DIPK1A: variants seen among roughly 807,000 people sequenced by gnomAD.
DIPK1A encodes the protein family with sequence similarity 69 member A.
DIPK1A carries 27 observed loss-of-function variants against 40.8 expected under a neutral mutation model. The ratio of observed to expected loss-of-function variants is 0.66; its 90% CI spans 0.49 to 0.91. The LOEUF is 0.91. DIPK1A is among the 40% of genes least tolerant of loss of function. DIPK1A has a pLI of 0.00. For synonymous variants in DIPK1A, 166 were observed against 171.3 expected (o/e 0.97, Z 0.24); for missense variants, 412 against 505.7 (o/e 0.81, Z 1.78).
At position 92,850,948 on chromosome 1, in the gene DIPK1A, T is replaced by C; in HGVS notation, c.197A>G (p.Lys66Arg). 1 of 1,557,448 alleles carries C rather than the reference T, an allele frequency of 6.4e-7. No individual in the cohort carries two copies. Among genetic ancestry groups the C allele is most frequent in the Non-Finnish European group, 8.7e-7 (1 of 1,149,780 alleles). The change falls in exon 3 of 5, where the codon AAG (lysine) becomes AGG (arginine). Residue 66 changes from lysine to arginine, a missense_variant. Coordinates refer to ENST00000370310, the MANE Select transcript of DIPK1A (RefSeq NM_001006605.5). ...GKDCKKIICD[K>R]YKTGVIDGPA... ...CCCATCAATAACTCCAGTCTTGTAC[T>C]TGTCACACTAAAAACCAGGAAATAA...
intron 1 of DIPK1A, among the ~76,000 whole-genome samples, chr1:92,940,430 A>G (rs76179861): frequency 0.022 from 3,387 of 152,316 alleles, 118 homozygotes; most frequent in African/African-American, 0.077. Context: ...TACTAGTGCC[A>G]TATTTTATGT....
At chr1:92,847,126 C>T in intron 4 of DIPK1A, 57 bp downstream of exon 4, 1 of 1,145,568 alleles carries the variant, frequency 8.7e-7, no homozygotes. Flanking sequence ...TGAGGTCCTG[C>T]CAATTCCTCT....
chr1:92,859,444 C>T (rs1688097510), intron 2 of DIPK1A, among the ~76,000 whole-genome samples: 1 of 152,178 alleles, frequency 6.6e-6, no homozygotes, highest in Non-Finnish European at 1.5e-5. Context: ...CCACTCTTTC[C>T]TTCCTTCGGT....
chr1:92,952,109 T>C (rs1040902989), intron 1 of DIPK1A, among the ~76,000 whole-genome samples: 51 of 150,370 alleles, frequency 3.4e-4, no homozygotes, highest in Non-Finnish European at 1.5e-4. Context: ...ACATATCTGA[T>C]AGTCACTACT....
At chr1:92,894,472 C>T (rs1342095334) in intron 1 of DIPK1A, among the ~76,000 whole-genome samples, 1 of 152,026 alleles carries the variant, frequency 6.6e-6, no homozygotes, top group East Asian at 1.9e-4. Flanking sequence ...AAAGATACAA[C>T]ATACCAGAAT....
intron 1 of DIPK1A, among the ~76,000 whole-genome samples, chr1:92,938,123 T>C (rs1194603384): frequency 6.6e-6 from 1 of 151,886 alleles, no homozygotes; most frequent in Non-Finnish European, 1.5e-5. Context: ...CATACAAAAA[T>C]TAGCCAGGCA....
chr1:92,908,223 T>G (rs34389767), intron 1 of DIPK1A, among the ~76,000 whole-genome samples: 47,840 of 151,954 alleles, frequency 0.31, 8,047 homozygotes, highest in Non-Finnish European at 0.37. Context: ...AGGTAGAGGT[T>G]TGGGAATCAC....
Position 92,872,760 on chromosome 1 carries a change from C to G in DIPK1A, c.189+3536G>C, listed in dbSNP as rs1220948873. On this transcript the variant is annotated intron_variant, in intron 2 of 4. Coordinates refer to ENST00000370310, the MANE Select transcript of DIPK1A (RefSeq NM_001006605.5). ...CTACTTATGTCCAAGGGTATATAGCCCTCTAGGATTTTTAACTGAGAGCTT... is the reference window on the plus strand; with the variant it reads ...CTACTTATGTCCAAGGGTATATAGCGCTCTAGGATTTTTAACTGAGAGCTT... 3.9e-5 allele frequency among the ~76,000 whole-genome samples: 6 copies of G among 152,182 alleles called. No homozygotes were observed. In the East Asian group the frequency reaches 9.7e-4, roughly 25 times the overall value.
rs181235703 is a variant in DIPK1A, at chr1:92,892,884, C to G, written c.55-16454G>C. Among the ~76,000 whole-genome samples the G allele has an allele frequency of 8.0e-3, 1,213 of 152,124 alleles. 10 individuals carry two copies. The highest frequency in any genetic ancestry group is 0.017 in the Middle Eastern group (5 of 294). On this transcript the variant is annotated intron_variant, in intron 1 of 4. Transcript: ENST00000370310. The stretch of plus-strand genomic sequence containing the variant: ...AAGTCTCAGTAGCCGATTCGATCAA[C>G]TGGAAGAAAGGGTATCAGTGATGGA...
At chr1:92,875,587 C>T (rs368559635) in intron 2 of DIPK1A, among the ~76,000 whole-genome samples, 61 of 151,586 alleles carry the variant, frequency 4.0e-4, no homozygotes, top group African/African-American at 1.4e-3. Context: ...CGTGGTAGTG[C>T]GAGCCTGTGA....
chr1:92,832,905 G>A, exon 5 of DIPK1A: 4 of 673,304 alleles, frequency 5.9e-6, no homozygotes, highest in South Asian at 1.6e-5. Context: ...AGAGAGGTAC[G>A]TAGTTGTTAT....
chr1:92,931,486 G>T, intron 1 of DIPK1A: 1 of 163,548 alleles, frequency 6.1e-6, no homozygotes, highest in South Asian at 1.4e-4. Flanking sequence ...GTAGCACTTT[G>T]GGAGGTTGAT....
chr1:92,899,658 T>C (rs756471584), intron 1 of DIPK1A, among the ~76,000 whole-genome samples: 6 of 152,208 alleles, frequency 3.9e-5, no homozygotes, highest in Non-Finnish European at 5.9e-5. Context: ...TGTTTATCAT[T>C]GTCATTTGGT....
chr1:92,850,028 T>G (rs2100724707), intron 3 of DIPK1A, among the ~76,000 whole-genome samples: 1 of 152,152 alleles, frequency 6.6e-6, no homozygotes, highest in Middle Eastern at 3.4e-3. Flanking sequence ...TGGAGTGCAG[T>G]GGTGGGACCA....
At chr1:92,838,992 G>A (rs967075710), downstream of DIPK1A, among the ~76,000 whole-genome samples, 1 of 147,766 alleles carries the variant, frequency 6.8e-6, no homozygotes, top group Non-Finnish European at 1.5e-5. Context: ...GACATAGTCT[G>A]TAGTGGGCTA....
At chr1:92,877,040 ATTG>A in intron 1 of DIPK1A, 2 of 985,388 alleles carry the variant, frequency 2.0e-6, no homozygotes, top group Non-Finnish European at 2.4e-6. Flanking sequence ...GACGCTAACA[ATTG>A]TTAAAGGAGA....
chr1:92,961,444 G>C lies in DIPK1A; in HGVS notation c.-15C>G, dbSNP rs757804829. On this transcript the variant is annotated 5_prime_UTR_variant, in exon 1 of 5. Transcript: ENST00000370310. ...CTCCTCGCCATGGTAATCACACATCGCCCCGCCGCGCTGCAGTCAGAGGCG... is the reference window on the plus strand; with the variant it reads ...CTCCTCGCCATGGTAATCACACATCCCCCCGCCGCGCTGCAGTCAGAGGCG... 6 of 1,484,206 alleles carry C rather than the reference G, an allele frequency of 4.0e-6. No homozygotes were observed. The highest frequency in any genetic ancestry group is 5.4e-6 in the Non-Finnish European group (6 of 1,110,982). 91.9% of individuals were successfully genotyped at this position (1,484,206 alleles called of 1,614,324 possible). A position where few individuals can be genotyped will look rare whatever the true frequency, so the allele number is the denominator to read the frequency against.
At chr1:92,921,352 G>C (rs1650260419) in intron 1 of DIPK1A, among the ~76,000 whole-genome samples, 1 of 152,132 alleles carries the variant, frequency 6.6e-6, no homozygotes, top group African/African-American at 2.4e-5. Context: ...CCCAGAAAAG[G>C]AGAGCCCAAA....
chr1:92,841,675 C>A, downstream of DIPK1A: 1 of 764,548 alleles, frequency 1.3e-6, no homozygotes, highest in Non-Finnish European at 2.0e-6. Context: ...TAAATATTCT[C>A]TATCAAAATT....
Sources: gnomAD v4.1 joint callset for allele counts (sites outside exome capture counted in the v4.1 genomes callset) on GRCh38, gnomAD v4.1.1 for gene constraint, MANE v1.5 for transcripts, NCBI Gene and HGNC (gene_info 2026-07-23, HGNC 2026-07-21) for gene names.